Variants in PCBP3 observed in about 807,000 individuals in gnomAD.
PCBP3 encodes the protein poly(rC)-binding protein 3.
Under a neutral mutation model 52.7 loss-of-function variants are expected in PCBP3, and 25 were observed. That is an observed-to-expected ratio of 0.47 (90% CI 0.35 to 0.66). The LOEUF is 0.66. PCBP3 is among the 30% of genes least tolerant of loss of function. PCBP3 has a pLI of 0.01. For synonymous variants in PCBP3, 162 were observed against 183.0 expected, an observed-to-expected ratio of 0.89 and a Z score of 0.93; for missense variants, 391 against 490.3, an observed-to-expected ratio of 0.80 and a Z score of 1.91.
At chr21:45,764,393 A>C (rs1407356220) in intron 4 of PCBP3, among the ~76,000 whole-genome samples, 1 of 152,238 alleles carries the variant, frequency 6.6e-6, no homozygotes, top group Non-Finnish European at 1.5e-5. Context: ...AAGTGCTGGG[A>C]TTACAGGCGT....
chr21:45,878,564 C>T (rs1156537564), intron 5 of PCBP3, among the ~76,000 whole-genome samples: 1 of 152,248 alleles, frequency 6.6e-6, no homozygotes, highest in Non-Finnish European at 1.5e-5. Context: ...GCCCCCAGGT[C>T]CCAGCCGGGC....
intron 4 of PCBP3, among the ~76,000 whole-genome samples, chr21:45,836,126 T>A (rs983455898): frequency 3.3e-5 from 5 of 152,014 alleles, no homozygotes; most frequent in Admixed American, 6.5e-5. Context: ...TCTGCTTTCC[T>A]GGCCGTGGGT....
intron 6 of PCBP3, 94 bp from the exon 7 acceptor site, chr21:45,899,505 G>C: frequency 1.1e-6 from 1 of 904,292 alleles, no homozygotes; most frequent in Non-Finnish European, 1.8e-6. Flanking sequence ...CACTCATACC[G>C]GGAAGGTAGG....
At chr21:45,764,911 G>A (rs1303405988) in intron 4 of PCBP3, among the ~76,000 whole-genome samples, 1 of 152,240 alleles carries the variant, frequency 6.6e-6, no homozygotes, top group African/African-American at 2.4e-5. Flanking sequence ...TGGAAGGGGG[G>A]AGGTCTGGGA....
intron 3 of PCBP3, chr21:45,750,000 T>C (rs2087274779): frequency 6.6e-6 from 1 of 152,262 alleles, no homozygotes; most frequent in Non-Finnish European, 1.5e-5. Flanking sequence ...GAACAGTCTC[T>C]TTTAATAAGT....
intron 1 of PCBP3, among the ~76,000 whole-genome samples, chr21:45,649,912 A>C (rs1468673438): frequency 6.6e-6 from 1 of 152,162 alleles, no homozygotes; most frequent in Non-Finnish European, 1.5e-5. Flanking sequence ...GGTTTTCTAT[A>C]CAGTGTACTT....
intron 13 of PCBP3, among the ~76,000 whole-genome samples, chr21:45,921,805 C>G (rs527482369): frequency 1.7e-5 from 2 of 114,940 alleles, no homozygotes; most frequent in Admixed American, 7.8e-5. Context: ...GGCGACAGAA[C>G]GAGACCCGTT....
At position 45,896,281 on chromosome 21, in the gene PCBP3, A is replaced by G; in HGVS notation, c.84A>G (p.Gln28=). The G allele has an allele frequency of 6.4e-7, 1 of 1,552,190 alleles. No individual in the cohort carries two copies. The highest frequency in any genetic ancestry group is 8.7e-7 in the Non-Finnish European group (1 of 1,147,058). ...CCTTAAGCCACCACCCTCAGCCACA[A>G]TTTGGCAGAAGGATGGAGTCCAAGG... ...LSTLSHHPQP[Q]FGRRMESKVS... is the part of the protein sequence containing the mutation. Residue 28 remains glutamine (Q), a synonymous_variant, in exon 6 of 18, where the codon CAA becomes CAG. Coordinates refer to ENST00000681687, the MANE Select transcript of PCBP3 (RefSeq NM_001384156.1).
intron 1 of PCBP3, among the ~76,000 whole-genome samples, chr21:45,659,269 A>C (rs1166170787): frequency 6.6e-6 from 1 of 150,700 alleles, no homozygotes; most frequent in Admixed American, 6.6e-5. Context: ...GTTTACAGCT[A>C]TAATTTTGTA....
intron 4 of PCBP3, among the ~76,000 whole-genome samples, chr21:45,809,072 G>A (rs1206862948): frequency 6.6e-6 from 1 of 152,108 alleles, no homozygotes; most frequent in Non-Finnish European, 1.5e-5. Context: ...ATAGCATTAG[G>A]AGAACTACCT....
chr21:45,858,505 A>G (rs1363646971), intron 5 of PCBP3: 2 of 152,212 alleles, frequency 1.3e-5, no homozygotes, highest in African/African-American at 4.8e-5. Context: ...TGGGGCCCAG[A>G]GGGCATTTCC....
At chr21:45,848,762 G>A (rs2093879392) in intron 4 of PCBP3, among the ~76,000 whole-genome samples, 1 of 152,170 alleles carries the variant, frequency 6.6e-6, no homozygotes, top group Non-Finnish European at 1.5e-5. Context: ...GCAGCGCTGG[G>A]TGGGAGTTCT....
intron 2 of PCBP3, among the ~76,000 whole-genome samples, chr21:45,718,417 T>C (rs963732215): frequency 6.6e-6 from 1 of 151,954 alleles, no homozygotes; most frequent in African/African-American, 2.4e-5. Flanking sequence ...AAGATGGAAG[T>C]TTAGGTTATC....
chr21:45,695,130 A>G (rs1222997711), intron 2 of PCBP3, among the ~76,000 whole-genome samples: 4 of 152,226 alleles, frequency 2.6e-5, no homozygotes, highest in Admixed American at 2.6e-4. Context: ...GAGTCAAGAA[A>G]CAGACCCACC....
In PCBP3 at chr21:45,867,412, G is replaced by A. The variant is rs143040038; in HGVS notation, c.10+17317G>A. On this transcript the variant is annotated intron_variant, in intron 5 of 17. Coordinates refer to ENST00000681687, the MANE Select transcript of PCBP3 (RefSeq NM_001384156.1). The stretch of plus-strand genomic sequence containing the variant: ...CCCGATGGTAGTCACCAGCATACAG[G>A]ACCTGACACGGGCGTGCGGGCAGGG... 6.7e-3 allele frequency among the ~76,000 whole-genome samples: 1,015 copies of A among 152,346 alleles called. 6 individuals are homozygous for A. Among genetic ancestry groups the A allele is most frequent in the Middle Eastern group, 0.01 (3 of 294 alleles).
chr21:45,687,783 T>C (rs916662671), intron 2 of PCBP3, among the ~76,000 whole-genome samples: 3 of 151,594 alleles, frequency 2.0e-5, no homozygotes, highest in Non-Finnish European at 2.9e-5. Flanking sequence ...AGGCTGGAGT[T>C]GCAGTGGCAT....
intron 4 of PCBP3, among the ~76,000 whole-genome samples, chr21:45,813,186 T>C (rs1330944089): frequency 6.6e-6 from 1 of 152,222 alleles, no homozygotes; most frequent in Non-Finnish European, 1.5e-5. Context: ...CGCAGGTCTC[T>C]CAGGTTCTGT....
At chr21:45,654,506 A>T (rs1202948935) in intron 1 of PCBP3, among the ~76,000 whole-genome samples, 1 of 151,946 alleles carries the variant, frequency 6.6e-6, no homozygotes, top group Admixed American at 6.6e-5. Context: ...ACGCCCAGCT[A>T]ATTTTTGTAT....
Position 45,904,222 on chromosome 21 carries a change from G to T in PCBP3, c.339+3109G>T, listed in dbSNP as rs1464633133. Among the ~76,000 whole-genome samples the T allele has an allele frequency of 8.5e-5, 13 of 152,158 alleles. No homozygotes were observed. The highest frequency in any genetic ancestry group is 2.9e-5 in the Non-Finnish European group (2 of 68,038). On this transcript the variant is annotated intron_variant, in intron 9 of 17. Coordinates refer to ENST00000681687, the MANE Select transcript of PCBP3 (RefSeq NM_001384156.1). The surrounding 1 kb of genome is among the most constrained non-coding windows in gnomAD (Gnocchi z 4.8). ...AGTCGAGTATCAGGAATTCCTAAAG[G>T]TACAAGCCTTCCAGTCATCAGTCCA...
Sources: gnomAD v4.1 joint callset for allele counts (sites outside exome capture counted in the v4.1 genomes callset) on GRCh38, gnomAD v4.1.1 for gene constraint, Gnocchi (gnomAD v3.1) non-coding constraint, MANE v1.5 for transcripts, NCBI Gene and HGNC (gene_info 2026-07-23, HGNC 2026-07-21) for gene names.